Variants in IRS2 observed in about 807,000 individuals in gnomAD.
IRS2 encodes insulin receptor substrate 2.
Under a neutral mutation model 70.9 loss-of-function variants are expected in IRS2, and 28 were observed. That is an observed-to-expected ratio of 0.39 (90% CI 0.29 to 0.54). The LOEUF (loss-of-function observed/expected upper bound fraction) is 0.54, where lower values mean the gene tolerates loss of function less well. IRS2 is among the 20% of genes least tolerant of loss of function. The pLI is 0.59. For synonymous variants in IRS2, 1,217 were observed against 981.9 expected, an observed-to-expected ratio of 1.24 and a Z score of -4.48; for missense variants, 2,081 against 2,024.1, an observed-to-expected ratio of 1.03 and a Z score of -0.54.
rs1288032848 is a variant in IRS2 at position 109,785,067 on chromosome 13, G to A, written c.987C>T (p.Val329=). Reference sequence around the variant, plus strand: ...GGCCCGTCTGGCTGGGGGGCAGGTTGACCAGGTGGTGGTGGCGGCGCGCGC... The same window carrying A: ...GGCCCGTCTGGCTGGGGGGCAGGTTAACCAGGTGGTGGTGGCGGCGCGCGC... ...VPGARRHHHL[V]NLPPSQTGLV... is the part of the protein sequence containing the mutation. Residue 329 remains valine (V), a synonymous_variant, in exon 1 of 2, where the codon GTC becomes GTT. Coordinates refer to ENST00000375856, the MANE Select transcript of IRS2 (RefSeq NM_003749.3). This position sits in a 1 kb window ranked among gnomAD's most constrained non-coding sequence, Gnocchi z 9.3. 2 of 1,570,684 alleles carry A rather than the reference G, an allele frequency of 1.3e-6. No individual in the cohort carries two copies. The highest frequency in any genetic ancestry group is 1.7e-4 in the Middle Eastern group (1 of 5,820).
At chr13:109,768,780 C>T (rs560348692) in intron 1 of IRS2, among the ~76,000 whole-genome samples, 3 of 152,060 alleles carry the variant, frequency 2.0e-5, no homozygotes, top group Admixed American at 2.0e-4. Context: ...GCCAGGCTTG[C>T]CAGGACCACA....
chr13:109,777,907 G>A (rs1256824896), intron 1 of IRS2, among the ~76,000 whole-genome samples: 1 of 152,114 alleles, frequency 6.6e-6, no homozygotes, highest in Non-Finnish European at 1.5e-5. Flanking sequence ...ACATAAAGGG[G>A]GAAAACAATG....
intron 1 of IRS2, among the ~76,000 whole-genome samples, chr13:109,769,146 A>G (rs1198065007): frequency 6.6e-6 from 1 of 152,112 alleles, no homozygotes; most frequent in Non-Finnish European, 1.5e-5. Context: ...AGGTCTTTTC[A>G]AATTTTATAT....
chr13:109,759,723 A>C (rs1195772335), intron 1 of IRS2, among the ~76,000 whole-genome samples: 1 of 152,148 alleles, frequency 6.6e-6, no homozygotes, highest in Non-Finnish European at 1.5e-5. Flanking sequence ...CCCCAGGCAT[A>C]GGGCTAAATG....
rs2138922974 is a variant in IRS2 at position 109,775,046 on chromosome 13, C to T, written c.4012+6996G>A. Among the ~76,000 whole-genome samples the T allele has an allele frequency of 2.6e-5, 4 of 151,362 alleles. No homozygotes were observed. In the South Asian group the frequency reaches 8.4e-4, roughly 32 times the overall value. On this transcript the variant is annotated intron_variant, in intron 1 of 1. Coordinates refer to ENST00000375856, the MANE Select transcript of IRS2 (RefSeq NM_003749.3). Reference sequence around the variant, plus strand: ...TTGACTTATTTAAGTCCATAGAATGCATACAGAAAGCACTGTATCATATTC... The same window carrying T: ...TTGACTTATTTAAGTCCATAGAATGTATACAGAAAGCACTGTATCATATTC...
intron 1 of IRS2, 115 bp downstream of exon 1, chr13:109,781,927 G>T: frequency 8.6e-7 from 1 of 1,168,558 alleles, no homozygotes; most frequent in Non-Finnish European, 1.2e-6. Flanking sequence ...GCCAGTGCCA[G>T]GCTGTCGGCT....
intron 1 of IRS2, among the ~76,000 whole-genome samples, chr13:109,772,727 CG>C: frequency 1.4e-5 from 2 of 142,426 alleles, no homozygotes; most frequent in Non-Finnish European, 3.0e-5. Flanking sequence ...CTCGCTCTGT[CG>C]GCCAGGCCGG....
chr13:109,784,032 G>C lies in IRS2; in HGVS notation c.2022C>G (p.Asp674Glu), dbSNP rs372717883. ...CGCTGGCGGGGCTCATGGGCATGTA[G>C]TCGTCGCTCCTGCAGCTGCCGCTCC... ...GSGSGSCRSD[D>E]YMPMSPASVS... Residue 674 changes from aspartate (D) to glutamate (E), a missense_variant, in exon 1 of 2, where the codon GAC becomes GAG. By Grantham distance (45) the Asp-to-Glu change is conservative. Transcript: ENST00000375856. This position sits in a 1 kb window ranked among gnomAD's most constrained non-coding sequence, Gnocchi z 5.2. 6.5e-7 allele frequency: 1 copy of C among 1,540,824 alleles called. No individual in the cohort carries two copies. The highest frequency in any genetic ancestry group is 1.9e-5 in the Admixed American group (1 of 51,302).
chr13:109,774,321 T>C (rs1364400817), intron 1 of IRS2, among the ~76,000 whole-genome samples: 1 of 152,172 alleles, frequency 6.6e-6, no homozygotes, highest in African/African-American at 2.4e-5. Flanking sequence ...AACTTTAAAA[T>C]TCACTAGTAA....
chr13:109,758,715 G>C (rs1444712296), intron 1 of IRS2, among the ~76,000 whole-genome samples: 3 of 151,852 alleles, frequency 2.0e-5, no homozygotes, highest in African/African-American at 7.3e-5. Flanking sequence ...CTGATAAATG[G>C]CAAGGAAGTA....
At position 109,784,815 on chromosome 13, in the gene IRS2, C is replaced by A; in HGVS notation, c.1239G>T (p.Gly413=). 7.9e-7 allele frequency: 1 copy of A among 1,268,490 alleles called. No individual in the cohort carries two copies. Among genetic ancestry groups the A allele is most frequent in the Non-Finnish European group, 1.0e-6 (1 of 999,266 alleles). The allele number at this position is 1,268,490 out of a possible 1,614,324, so 78.6% of individuals were successfully genotyped here. A position where few individuals can be genotyped will look rare whatever the true frequency, so the allele number is the denominator to read the frequency against. ...HTLSGGCGGR[G]SKVALLPAGG... Reference sequence around the variant, plus strand: ...CTGCCGGCAGCAGCGCCACCTTGCTCCCGCGGCCGCCGCAGCCGCCGCTCA... The same window carrying A: ...CTGCCGGCAGCAGCGCCACCTTGCTACCGCGGCCGCCGCAGCCGCCGCTCA... Residue 413 remains glycine (G), a synonymous_variant, in exon 1 of 2, where the codon GGG becomes GGT. Transcript: ENST00000375856. This position sits in a 1 kb window ranked among gnomAD's most constrained non-coding sequence, Gnocchi z 5.2.
At chr13:109,770,420 G>A (rs538534221) in intron 1 of IRS2, among the ~76,000 whole-genome samples, 201 of 152,300 alleles carry the variant, frequency 1.3e-3, no homozygotes, top group African/African-American at 4.4e-3. Flanking sequence ...TCTAGGAATC[G>A]GGATAGCAGC....
Position 109,784,269 on chromosome 13 carries a change from C to T in IRS2, c.1785G>A (p.Leu595=), listed in dbSNP as rs2138935330. 1 of 1,591,820 alleles carries T rather than the reference C, an allele frequency of 6.3e-7. No individual in the cohort carries two copies. Among genetic ancestry groups the T allele is most frequent in the Non-Finnish European group, 8.6e-7 (1 of 1,168,636 alleles). The stretch of plus-strand genomic sequence containing the variant: ...TGGCCCGCATCAGGGTGTATTCATC[C>T]AGCGAGGCAGAGGAGGGCTGGGGCA... ...RPVPQPSSAS[L]DEYTLMRATF... Residue 595 remains leucine (L), a synonymous_variant, in exon 1 of 2, where the codon CTG becomes CTA. Transcript: ENST00000375856. The surrounding 1 kb of genome is among the most constrained non-coding windows in gnomAD (Gnocchi z 5.2).
At position 109,785,719 on chromosome 13, in the gene IRS2, A is replaced by G; in HGVS notation, c.335T>C (p.Leu112Pro). 1.2e-6 allele frequency: 2 copies of G among 1,600,164 alleles called. No homozygotes were observed. Among genetic ancestry groups the G allele is most frequent in the Admixed American group, 1.7e-5 (1 of 59,726 alleles). ...CTCGTCCTTGGTGTAGAGGGCGATC[A>G]GGTACTTGTGCTTGGCGTCGGCGCG... ...NKRADAKHKY[L>P]IALYTKDEYF... Residue 112 changes from leucine (L) to proline (P), a missense_variant, in exon 1 of 2, where the codon CTG (leucine) becomes CCG (proline). Leu to Pro is a moderately conservative substitution (Grantham distance 98, BLOSUM62 -3). Coordinates refer to ENST00000375856, the MANE Select transcript of IRS2 (RefSeq NM_003749.3). This position sits in a 1 kb window ranked among gnomAD's most constrained non-coding sequence, Gnocchi z 9.3.
chr13:109,770,109 C>G (rs1195384423), intron 1 of IRS2, among the ~76,000 whole-genome samples: 1 of 152,222 alleles, frequency 6.6e-6, no homozygotes, highest in African/African-American at 2.4e-5. Flanking sequence ...CTTCTTTCGC[C>G]TACACTGGCC....
chr13:109,783,789 A>G lies in IRS2; in HGVS notation c.2265T>C (p.His755=), dbSNP rs1877810235. ...CGTTGGGCAGCAGCTTGCCATCTGC[A>G]TGCTCCATGGACAGCTTGGAACCGC... ...MWCGSKLSME[H]ADGKLLPNGD... The change falls in exon 1 of 2, where the codon CAT becomes CAC. Residue 755 remains histidine (H), a synonymous_variant. Transcript: ENST00000375856. 1.3e-6 allele frequency: 2 copies of G among 1,597,738 alleles called. No individual in the cohort carries two copies. Among genetic ancestry groups the G allele is most frequent in the Non-Finnish European group, 1.7e-6 (2 of 1,172,790 alleles).
At position 109,785,517 on chromosome 13, in the gene IRS2, C is replaced by T. The variant is rs527813294; in HGVS notation, c.537G>A (p.Gly179=). Residue 179 remains glycine, a synonymous_variant, in exon 1 of 2, where the codon GGG becomes GGA. Transcript: ENST00000375856. The surrounding 1 kb of genome is among the most constrained non-coding windows in gnomAD (Gnocchi z 9.3). ...CCACCAGCCCGTAGCTGTCCTCGGC[C>T]CCGGCGGCGCCGGCAGAGCCGCCCA... ...GALGGSAGAA[G]AEDSYGLVAP... is the part of the protein sequence containing the mutation. 10 of 1,602,874 alleles carry T rather than the reference C, an allele frequency of 6.2e-6. No homozygotes were observed. The South Asian group carries it at 1.1e-4, about 18-fold the overall frequency.
Position 109,756,244 on chromosome 13 carries a change from G to T in IRS2, c.*60C>A. The T allele has an allele frequency of 7.1e-7, 1 of 1,405,752 alleles. No homozygotes were observed. The highest frequency in any genetic ancestry group is 1.0e-6 in the Non-Finnish European group (1 of 989,762). The allele number at this position is 1,405,752 out of a possible 1,614,324, so 87.1% of individuals were successfully genotyped here. A position where few individuals can be genotyped will look rare whatever the true frequency, so the allele number is the denominator to read the frequency against. On this transcript the variant is annotated 3_prime_UTR_variant, in exon 2 of 2. Transcript: ENST00000375856. Reference sequence around the variant, plus strand: ...GCTTCGGGCTGAAACAGTGCTGAGCGTCTTCTTTTAATGATACTCTCTGAC... The same window carrying T: ...GCTTCGGGCTGAAACAGTGCTGAGCTTCTTCTTTTAATGATACTCTCTGAC...
rs763466103 is a variant in IRS2 at position 109,782,835 on chromosome 13, G to A, written c.3219C>T (p.Thr1073=). ...TGGCGGCCACACCAAAAGCCATCTC[G>A]GTGTAGTCACCATTGTCCCCGGTGT... ...SSDTGDNGDY[T]EMAFGVAATP... The change falls in exon 1 of 2, where the codon ACC becomes ACT. Residue 1073 remains threonine (T), a synonymous_variant. Transcript: ENST00000375856. The A allele has an allele frequency of 3.8e-6, 6 of 1,587,726 alleles. No individual in the cohort carries two copies. The Admixed American group carries it at 5.4e-5, about 14-fold the overall frequency.
Sources: gnomAD v4.1 joint callset for allele counts (sites outside exome capture counted in the v4.1 genomes callset) on GRCh38, gnomAD v4.1.1 for gene constraint, Gnocchi (gnomAD v3.1) non-coding constraint, MANE v1.5 for transcripts, NCBI Gene and HGNC (gene_info 2026-07-23, HGNC 2026-07-21) for gene names.